The following LRMDA variants were observed in gnomAD, a reference collection of about 807,000 sequenced individuals.
LRMDA encodes leucine-rich melanocyte differentiation-associated protein.
LRMDA carries 18 observed loss-of-function variants against 29.8 expected under a neutral mutation model. The observed-to-expected ratio is 0.60, with a 90% CI of 0.42 to 0.90. The LOEUF (loss-of-function observed/expected upper bound fraction) is 0.90, where lower values mean the gene tolerates loss of function less well. LRMDA is among the 40% of genes least tolerant of loss of function. LRMDA has a pLI of 0.00. For synonymous variants in LRMDA, 125 were observed against 109.4 expected (o/e 1.14, Z -0.89); for missense variants, 273 against 273.9 (o/e 1.00, Z 0.02).
chr10:75,709,187 T>A (rs1212196629), intron 2 of LRMDA, among the ~76,000 whole-genome samples: 1 of 152,194 alleles, frequency 6.6e-6, no homozygotes, highest in Non-Finnish European at 1.5e-5. Flanking sequence ...TAATTTTTTT[T>A]ATTAAAAAAA....
intron 6 of LRMDA, among the ~76,000 whole-genome samples, chr10:76,352,133 T>G (rs1841184455): frequency 6.6e-6 from 1 of 152,166 alleles, no homozygotes; most frequent in Admixed American, 6.5e-5. Context: ...AAATAGTTAC[T>G]GTGGAAGTGC....
At chr10:76,438,254 A>T (rs1446131333) in intron 6 of LRMDA, among the ~76,000 whole-genome samples, 1 of 152,134 alleles carries the variant, frequency 6.6e-6, no homozygotes, top group Non-Finnish European at 1.5e-5. Context: ...CCCTCATCAG[A>T]GGCTCTCTGT....
At chr10:75,878,108 T>C (rs556874496) in intron 2 of LRMDA, among the ~76,000 whole-genome samples, 1 of 152,338 alleles carries the variant, frequency 6.6e-6, no homozygotes, top group East Asian at 1.9e-4. Flanking sequence ...GTGGCGTATG[T>C]TACAGTGTAT....
At chr10:75,898,176 A>G (rs1328611869) in intron 2 of LRMDA, among the ~76,000 whole-genome samples, 1 of 152,196 alleles carries the variant, frequency 6.6e-6, no homozygotes, top group Non-Finnish European at 1.5e-5. Context: ...GACCATGATA[A>G]ACCAGTAAAG....
chr10:75,463,559 C>T (rs1844614332), intron 2 of LRMDA, among the ~76,000 whole-genome samples: 1 of 151,820 alleles, frequency 6.6e-6, no homozygotes, highest in Admixed American at 6.6e-5. Context: ...GGGATCTCAG[C>T]TTACTGCAAC....
chr10:75,960,897 G>A (rs1846753333), intron 2 of LRMDA, among the ~76,000 whole-genome samples: 1 of 152,092 alleles, frequency 6.6e-6, no homozygotes, highest in African/African-American at 2.4e-5. Context: ...TAACAGGTGT[G>A]AGCCACCACA....
chr10:75,466,911 C>T (rs927999672), intron 2 of LRMDA, among the ~76,000 whole-genome samples: 20 of 152,052 alleles, frequency 1.3e-4, no homozygotes, highest in Non-Finnish European at 1.8e-4. Flanking sequence ...AACCAAACCC[C>T]AAACTCAAAT....
At chr10:75,842,725 T>A (rs534573847) in intron 2 of LRMDA, among the ~76,000 whole-genome samples, 319 of 152,232 alleles carry the variant, frequency 2.1e-3, no homozygotes, top group Non-Finnish European at 3.9e-3. Flanking sequence ...ACGTGGGTCA[T>A]GGCCCAAAGA....
chr10:76,557,129 C>T, intron 6 of LRMDA, 80 bp from the exon 7 acceptor site: 2 of 1,102,622 alleles, frequency 1.8e-6, no homozygotes, highest in Non-Finnish European at 1.4e-6. Flanking sequence ...GATTATCTTG[C>T]ATGTCTGCTT....
At chr10:75,638,544 C>G (rs971675680) in intron 2 of LRMDA, among the ~76,000 whole-genome samples, 3 of 152,166 alleles carry the variant, frequency 2.0e-5, no homozygotes, top group East Asian at 3.8e-4. Flanking sequence ...CTGCTTCCCC[C>G]ACCCATTCCT....
At chr10:76,465,101 C>T (rs934607669) in intron 6 of LRMDA, among the ~76,000 whole-genome samples, 1 of 152,126 alleles carries the variant, frequency 6.6e-6, no homozygotes, top group African/African-American at 2.4e-5. Context: ...CAGACAAGAA[C>T]TCTTGGTGGC....
intron 6 of LRMDA, among the ~76,000 whole-genome samples, chr10:76,492,597 TAGACCTTGTATTAATTCG>T (rs2132336705): frequency 6.6e-6 from 1 of 152,178 alleles, no homozygotes; most frequent in Non-Finnish European, 1.5e-5. Flanking sequence ...TCTGTTGGGT[TAGACCTTGTATTAATTCG>T]TTTTCATACT....
intron 5 of LRMDA, among the ~76,000 whole-genome samples, chr10:76,201,599 T>A (rs1252815750): frequency 1.3e-5 from 2 of 152,226 alleles, no homozygotes; most frequent in Admixed American, 6.5e-5. Flanking sequence ...GAGCCTATTA[T>A]GTTGCATCTG....
rs537912587 is a variant in LRMDA, at chr10:76,404,946, C to A, written c.601+80461C>A. On this transcript the variant is annotated intron_variant, in intron 6 of 6. Transcript: ENST00000611255. ...TGTAAGTTGAAGATGAAGGAAGGGT[C>A]CACAAGCCAAGAAATGCAGGCAGCC... Among the ~76,000 whole-genome samples the A allele has an allele frequency of 2.0e-5, 3 of 152,180 alleles. No individual in the cohort carries two copies. In the South Asian group the frequency reaches 6.2e-4, roughly 32 times the overall value.
chr10:75,577,216 A>G (rs934329721), intron 2 of LRMDA, among the ~76,000 whole-genome samples: 28 of 152,228 alleles, frequency 1.8e-4, no homozygotes, highest in Admixed American at 1.8e-3. Flanking sequence ...GAGCTGAAAA[A>G]CACAGCACGA....
At chr10:75,957,732 A>G (rs1228652773) in intron 2 of LRMDA, among the ~76,000 whole-genome samples, 7 of 152,296 alleles carry the variant, frequency 4.6e-5, no homozygotes, top group East Asian at 1.9e-4. Context: ...TTGAAAGTGC[A>G]TGAGCGGGAG....
At chr10:76,448,181 T>TTTTGC (rs1199309289) in intron 6 of LRMDA, among the ~76,000 whole-genome samples, 1 of 152,170 alleles carries the variant, frequency 6.6e-6, no homozygotes, top group Non-Finnish European at 1.5e-5. Flanking sequence ...GTCATCTATA[T>TTTTGC]TTTGCTTTTC....
chr10:76,294,645 G>A (rs747999817), intron 5 of LRMDA, among the ~76,000 whole-genome samples: 67 of 152,194 alleles, frequency 4.4e-4, no homozygotes, highest in Non-Finnish European at 8.7e-4. Flanking sequence ...GGTTCCAAGT[G>A]GTCCCAGCAA....
chr10:75,442,296 C>G (rs1214175965), intron 2 of LRMDA, among the ~76,000 whole-genome samples: 1 of 152,168 alleles, frequency 6.6e-6, no homozygotes, highest in Admixed American at 6.5e-5. Context: ...GATCTATTGT[C>G]TTAGCAGATT....
Sources: allele counts gnomAD v4.1 joint callset (sites outside exome capture counted in the v4.1 genomes callset), GRCh38; gene constraint gnomAD v4.1.1; transcripts MANE v1.5; gene names NCBI Gene and HGNC (gene_info 2026-07-23, HGNC 2026-07-21).